Variants in ITK observed in about 807,000 individuals in gnomAD.
The protein encoded by ITK is IL2 inducible T cell kinase.
In ITK, 45 loss-of-function variants were observed where a neutral mutation model predicts 87.6. The ratio of observed to expected loss-of-function variants is 0.51; its 90% confidence interval spans 0.40 to 0.66. The LOEUF (loss-of-function observed/expected upper bound fraction) is 0.66, where lower values mean the gene tolerates loss of function less well. Ranked by LOEUF, ITK falls within the 30% of genes least tolerant of loss-of-function variation. The pLI is 0.00. For synonymous variants in ITK, 303 were observed against 273.6 expected, an observed-to-expected ratio of 1.11 and a Z score of -1.06; for missense variants, 605 against 766.3, an observed-to-expected ratio of 0.79 and a Z score of 2.48.
chr5:157,213,672 A>G, intron 3 of ITK: 1 of 415,038 alleles, frequency 2.4e-6, no homozygotes, highest in Non-Finnish European at 4.7e-6. Flanking sequence ...ATGAGCCACT[A>G]CACCCAACTC....
chr5:157,206,383 G>A (rs747826325), intron 1 of ITK, among the ~76,000 whole-genome samples: 15 of 152,154 alleles, frequency 9.9e-5, no homozygotes, highest in Non-Finnish European at 1.8e-4. Flanking sequence ...TTTGGTATCA[G>A]GATGATGCTG....
chr5:157,247,760 C>T (rs971772215), intron 15 of ITK, among the ~76,000 whole-genome samples: 1 of 152,178 alleles, frequency 6.6e-6, no homozygotes, highest in African/African-American at 2.4e-5. Context: ...CCTGCATCAG[C>T]CCATTGGACT....
At chr5:157,225,142 G>T (rs4704856) in intron 6 of ITK, among the ~76,000 whole-genome samples, 33,229 of 151,732 alleles carry the variant, frequency 0.22, 4,334 homozygotes, top group South Asian at 0.36. Context: ...CTATAGGCAC[G>T]CACCACCATG....
In ITK at chr5:157,238,060, G is replaced by T. The variant is rs138548010; in HGVS notation, c.769-49G>T. 146 of 1,423,220 alleles carry T rather than the reference G, an allele frequency of 1.0e-4. 1 individual carries two copies. In the African/African-American group the frequency reaches 1.7e-3, roughly 17 times the overall value. The allele number at this position is 1,423,220 out of a possible 1,614,324, so 88.2% of individuals were successfully genotyped here. ...CAAGAAAGTGGAGCTGGAGGCATAA[G>T]CCTGGTTTCCTGAGATCACTAACTT... On this transcript the variant is annotated intron_variant, in intron 8 of 16. Transcript: ENST00000422843.
rs1397992040 is a variant in ITK, at chr5:157,232,209, T to C, written c.714-131T>C. 1.6e-5 allele frequency: 11 copies of C among 686,682 alleles called. No individual in the cohort carries two copies. The South Asian group carries it at 1.7e-4, about 11-fold the overall frequency. The allele number at this position is 686,682 out of a possible 1,614,324, so 42.5% of individuals were successfully genotyped here. A position where few individuals can be genotyped will look rare whatever the true frequency, so the allele number is the denominator to read the frequency against. On this transcript the variant is annotated intron_variant, in intron 7 of 16. Transcript: ENST00000422843. ...GTGCAGACTTGTTAAATAAATAAAA[T>C]ACACTTAAAATTTTTTTAAAGCACT...
chr5:157,240,141 T>C lies in ITK; in HGVS notation c.931T>C (p.Tyr311His), dbSNP rs1754859229. 6.2e-7 allele frequency: 1 copy of C among 1,613,808 alleles called. No homozygotes were observed. Among genetic ancestry groups the C allele is most frequent in the African/African-American group, 1.3e-5 (1 of 74,906 alleles). Reference protein sequence around the residue: ...NPKRYYVAEKYVFDSIPLLIN... With the variant: ...NPKRYYVAEKHVFDSIPLLIN... ...TAAGCGATACTATGTGGCTGAAAAG[T>C]ATGTGTTCGATTCCATCCCTCTTCT... Residue 311 changes from tyrosine (Y) to histidine (H), a missense_variant, in exon 10 of 17, where the codon TAT becomes CAT. By Grantham distance (83) the Tyr-to-His change is moderately conservative (BLOSUM62 2). Transcript: ENST00000422843.
intron 1 of ITK, among the ~76,000 whole-genome samples, chr5:157,188,561 G>T (rs1263583072): frequency 6.6e-6 from 1 of 152,128 alleles, no homozygotes; most frequent in Non-Finnish European, 1.5e-5. Flanking sequence ...TCAGGATGCA[G>T]GATCTTTGCA....
At chr5:157,213,740 C>G in intron 3 of ITK, 1 of 344,806 alleles carries the variant, frequency 2.9e-6, no homozygotes, top group Non-Finnish European at 5.7e-6. Context: ...TTTTTTCCAA[C>G]CAAAATCTTA....
intron 16 of ITK, among the ~76,000 whole-genome samples, chr5:157,250,932 G>A (rs913006152): frequency 1.3e-5 from 2 of 152,018 alleles, no homozygotes; most frequent in Admixed American, 6.6e-5. Context: ...CTATTTACCT[G>A]CCAAAGGAAA....
intron 1 of ITK, among the ~76,000 whole-genome samples, chr5:157,204,069 A>T (rs1361893715): frequency 3.9e-5 from 6 of 152,200 alleles, no homozygotes; most frequent in Non-Finnish European, 7.3e-5. Context: ...CGACGGCACC[A>T]TCACTATCAC....
intron 10 of ITK, chr5:157,240,493 C>G (rs966342708): frequency 1.7e-5 from 8 of 465,114 alleles, no homozygotes; most frequent in South Asian, 1.1e-4. Context: ...AGGTTGGGGA[C>G]TGCTGCTCTA....
intron 6 of ITK, among the ~76,000 whole-genome samples, chr5:157,225,785 T>C (rs953173004): frequency 6.6e-6 from 1 of 152,104 alleles, no homozygotes; most frequent in African/African-American, 2.4e-5. Context: ...ATATCCGAAA[T>C]AGGTTCAAGA....
chr5:157,231,799 A>G (rs1754659513), intron 7 of ITK, among the ~76,000 whole-genome samples: 1 of 152,188 alleles, frequency 6.6e-6, no homozygotes, highest in Non-Finnish European at 1.5e-5. Context: ...AAATAATGCA[A>G]TTACTTGGCA....
At position 157,247,545 on chromosome 5, in the gene ITK, G is replaced by A. The variant is rs57811210; in HGVS notation, c.1634-1305G>A. 9.3e-3 allele frequency among the ~76,000 whole-genome samples: 1,413 copies of A among 152,324 alleles called. 33 individuals are homozygous for A. Among genetic ancestry groups the A allele is most frequent in the African/African-American group, 0.032 (1,349 of 41,568 alleles). ...TGAATGGGGTTTATTCAGCCAAAGG[G>A]TGTCAGCCTGGGAATTTCCTGGGGC... On this transcript the variant is annotated intron_variant, in intron 15 of 16. Transcript: ENST00000422843.
At chr5:157,214,541 G>A (rs1213213970) in intron 4 of ITK, among the ~76,000 whole-genome samples, 1 of 151,996 alleles carries the variant, frequency 6.6e-6, no homozygotes, top group African/African-American at 2.4e-5. Context: ...CTTTGGACCA[G>A]CAGCATCAAC....
intron 1 of ITK, among the ~76,000 whole-genome samples, chr5:157,186,574 GC>G (rs1439390769): frequency 6.6e-6 from 1 of 152,088 alleles, no homozygotes; most frequent in East Asian, 1.9e-4. Flanking sequence ...TACTCGGGAG[GC>G]TGAAGCAGGA....
chr5:157,249,046 C>A (rs1755086022), intron 16 of ITK, 39 bp downstream of exon 16: 2 of 1,578,630 alleles, frequency 1.3e-6, no homozygotes, highest in Non-Finnish European at 1.7e-6. Context: ...TTGTCGTATA[C>A]AATTTGAGGA....
chr5:157,198,751 A>G (rs1022420633), intron 1 of ITK, among the ~76,000 whole-genome samples: 1 of 152,138 alleles, frequency 6.6e-6, no homozygotes, highest in Non-Finnish European at 1.5e-5. Context: ...AGTAATGAGC[A>G]TATCTTTTTT....
At chr5:157,221,176 G>T (rs544196972) in intron 5 of ITK, among the ~76,000 whole-genome samples, 1 of 151,648 alleles carries the variant, frequency 6.6e-6, no homozygotes, top group Admixed American at 6.6e-5. Context: ...TGAAATAGTC[G>T]AATTCTTGCA....
Sources: gnomAD v4.1 joint callset for allele counts (sites outside exome capture counted in the v4.1 genomes callset) on GRCh38, gnomAD v4.1.1 for gene constraint, MANE v1.5 for transcripts, NCBI Gene and HGNC (gene_info 2026-07-23, HGNC 2026-07-21) for gene names.